AUTS2: variants seen among roughly 807,000 people sequenced by gnomAD.
AUTS2 encodes autism susceptibility gene 2 protein.
In AUTS2, 17 loss-of-function variants were observed where a neutral mutation model predicts 112.4. The ratio of observed to expected loss-of-function variants is 0.15; its 90% CI spans 0.10 to 0.23. The LOEUF is 0.23. Ranked by LOEUF, AUTS2 falls within the 10% of genes least tolerant of loss-of-function variation. The probability of loss-of-function intolerance (pLI) is 1.00; values close to 1 mark genes in which losing one functional copy is unlikely to be tolerated. For synonymous variants in AUTS2, 751 were observed against 702.7 expected (o/e 1.07, Z -1.09); for missense variants, 1,510 against 1,701.6 (o/e 0.89, Z 1.98).
At chr7:70,439,059 A>T (rs1796013757) in intron 5 of AUTS2, among the ~76,000 whole-genome samples, 1 of 152,246 alleles carries the variant, frequency 6.6e-6, no homozygotes, top group Admixed American at 6.5e-5. Flanking sequence ...TGATACCCTT[A>T]CTAATTAACG....
intron 2 of AUTS2, among the ~76,000 whole-genome samples, chr7:70,096,706 G>A (rs1804225734): frequency 6.7e-6 from 1 of 149,188 alleles, no homozygotes; most frequent in African/African-American, 2.5e-5. Flanking sequence ...GATTTACAGA[G>A]AGAATAAAAT....
At chr7:70,650,822 C>A (rs772166453) in intron 5 of AUTS2, among the ~76,000 whole-genome samples, 2 of 152,158 alleles carry the variant, frequency 1.3e-5, no homozygotes, top group Non-Finnish European at 2.9e-5. Context: ...AGTTTCCAGG[C>A]TAGATGAAAA....
intron 4 of AUTS2, among the ~76,000 whole-genome samples, chr7:70,282,988 A>C (rs554653367): frequency 2.0e-5 from 3 of 152,236 alleles, no homozygotes; most frequent in African/African-American, 7.2e-5. Flanking sequence ...CAGCTTCTAT[A>C]TAGACAGAAT....
intron 5 of AUTS2, among the ~76,000 whole-genome samples, chr7:70,464,059 A>AG (rs1234176849): frequency 1.3e-5 from 2 of 152,176 alleles, no homozygotes; most frequent in African/African-American, 2.4e-5. Context: ...GGCACAGGAA[A>AG]GGGGGGCCTG....
At chr7:69,892,463 T>C (rs768397388) in intron 1 of AUTS2, among the ~76,000 whole-genome samples, 2 of 152,170 alleles carry the variant, frequency 1.3e-5, no homozygotes, top group Admixed American at 6.5e-5. Flanking sequence ...ATTAAATTAA[T>C]ATATTCTGTA....
At chr7:70,355,487 A>G (rs911960769) in intron 4 of AUTS2, among the ~76,000 whole-genome samples, 1 of 152,050 alleles carries the variant, frequency 6.6e-6, no homozygotes, top group African/African-American at 2.4e-5. Context: ...TCTCAGTTCC[A>G]GTTCCTGAAG....
At chr7:70,691,909 T>G (rs999168079) in intron 5 of AUTS2, among the ~76,000 whole-genome samples, 13 of 146,844 alleles carry the variant, frequency 8.9e-5, no homozygotes, top group Middle Eastern at 3.5e-3. Context: ...AAAGTCTTAC[T>G]CTGTTGTTTA....
At chr7:70,042,688 G>C (rs983381829) in intron 2 of AUTS2, among the ~76,000 whole-genome samples, 14 of 152,166 alleles carry the variant, frequency 9.2e-5, no homozygotes, top group African/African-American at 3.4e-4. Context: ...TTCTTCGGGA[G>C]AATCTGTTTT....
At chr7:70,526,463 G>A (rs945473677) in intron 5 of AUTS2, among the ~76,000 whole-genome samples, 5 of 152,126 alleles carry the variant, frequency 3.3e-5, no homozygotes, top group Non-Finnish European at 5.9e-5. Context: ...TTTGAGGCCA[G>A]GAGTTGGAGA....
Position 69,599,308 on chromosome 7 carries a change from TA to T in AUTS2, c.-345del. The T allele has an allele frequency of 4.7e-6, 1 of 213,790 alleles. No individual in the cohort carries two copies. Among genetic ancestry groups the T allele is most frequent in the Non-Finnish European group, 9.2e-6 (1 of 108,202 alleles). The allele number at this position is 213,790 out of a possible 1,614,324, so 13.2% of individuals were successfully genotyped here. A position where few individuals can be genotyped will look rare whatever the true frequency, so the allele number is the denominator to read the frequency against. ...CTGATTTATTGCTTGCTTGGTGAGTTATTTTTTTTTCCTCTAAAGGAGACCT... is the reference window on the plus strand; with the variant it reads ...CTGATTTATTGCTTGCTTGGTGAGTTTTTTTTTTTCCTCTAAAGGAGACCT... On this transcript the variant is annotated 5_prime_UTR_variant, in exon 1 of 19. Coordinates refer to ENST00000342771, the MANE Select transcript of AUTS2 (RefSeq NM_015570.4). The surrounding 1 kb of genome is among the most constrained non-coding windows in gnomAD (Gnocchi z 7.0).
chr7:70,714,782 T>G (rs1470158914), intron 6 of AUTS2, among the ~76,000 whole-genome samples: 1 of 152,190 alleles, frequency 6.6e-6, no homozygotes, highest in Non-Finnish European at 1.5e-5. Context: ...TTGATTAGAT[T>G]CAGGTTAGAG....
intron 15 of AUTS2, chr7:70,784,001 A>T (rs1010575956): frequency 1.3e-5 from 2 of 152,020 alleles, no homozygotes; most frequent in African/African-American, 4.8e-5. Context: ...CAAGAAGTAC[A>T]CATTAGGCAA....
At chr7:69,806,774 T>A (rs1471029356) in intron 1 of AUTS2, among the ~76,000 whole-genome samples, 1 of 152,202 alleles carries the variant, frequency 6.6e-6, no homozygotes, top group African/African-American at 2.4e-5. Flanking sequence ...TCCAGAGCCT[T>A]GCCTTTAGCC....
chr7:69,799,925 C>T (rs1790010367), intron 1 of AUTS2, among the ~76,000 whole-genome samples: 1 of 151,976 alleles, frequency 6.6e-6, no homozygotes, highest in Non-Finnish European at 1.5e-5. Context: ...TAAAAAATTC[C>T]CTATAAATGA....
chr7:70,671,544 G>A (rs1276460769), intron 5 of AUTS2, among the ~76,000 whole-genome samples: 1 of 152,126 alleles, frequency 6.6e-6, no homozygotes, highest in Admixed American at 6.6e-5. Flanking sequence ...AATAAAACTA[G>A]CCTCTTTCCC....
chr7:69,688,716 A>G (rs950362868), intron 1 of AUTS2, among the ~76,000 whole-genome samples: 1 of 152,220 alleles, frequency 6.6e-6, no homozygotes, highest in Non-Finnish European at 1.5e-5. Flanking sequence ...ATAGAACACT[A>G]TAATAGAACT....
chr7:69,623,691 C>A (rs1229358741), intron 1 of AUTS2, among the ~76,000 whole-genome samples: 1 of 151,968 alleles, frequency 6.6e-6, no homozygotes, highest in Non-Finnish European at 1.5e-5. Context: ...TGCTATGTAA[C>A]TTTTCTGAAA....
At chr7:70,513,768 G>C (rs766321311) in intron 5 of AUTS2, among the ~76,000 whole-genome samples, 21 of 150,228 alleles carry the variant, frequency 1.4e-4, no homozygotes, top group Non-Finnish European at 2.9e-4. Context: ...CAAGTGATTC[G>C]CATGTCTCAG....
chr7:69,953,634 G>A (rs1161919757), intron 2 of AUTS2, among the ~76,000 whole-genome samples: 2 of 152,156 alleles, frequency 1.3e-5, no homozygotes, highest in South Asian at 2.1e-4. Flanking sequence ...TGGAAGGGTG[G>A]CCAGCCAGTA....
Sources: gnomAD v4.1 joint callset for allele counts (sites outside exome capture counted in the v4.1 genomes callset) on GRCh38, gnomAD v4.1.1 for gene constraint, Gnocchi (gnomAD v3.1) non-coding constraint, MANE v1.5 for transcripts, NCBI Gene and HGNC (gene_info 2026-07-23, HGNC 2026-07-21) for gene names.